EFNA5: variants seen among roughly 807,000 people sequenced by gnomAD.
EFNA5 encodes ephrin-A5.
EFNA5 carries 5 observed loss-of-function variants against 22.9 expected under a neutral mutation model. The ratio of observed to expected loss-of-function variants is 0.22; its 90% confidence interval spans 0.11 to 0.46. The LOEUF (loss-of-function observed/expected upper bound fraction) is 0.46, where lower values mean the gene tolerates loss of function less well. Ranked by LOEUF, EFNA5 falls within the 20% of genes least tolerant of loss-of-function variation. The probability of loss-of-function intolerance (pLI) is 0.99; values close to 1 mark genes in which losing one functional copy is unlikely to be tolerated. For missense variants in EFNA5, 237 were observed against 293.3 expected (o/e 0.81, Z 1.40); for synonymous variants, 113 against 112.2 (o/e 1.01, Z -0.04).
At chr5:107,553,771 C>T (rs1055087996) in intron 1 of EFNA5, among the ~76,000 whole-genome samples, 3 of 152,042 alleles carry the variant, frequency 2.0e-5, no homozygotes, top group African/African-American at 4.8e-5. Flanking sequence ...TTCCTTCTAC[C>T]AAATGAAACA....
chr5:107,419,591 CAT>C (rs1180904299), intron 2 of EFNA5, among the ~76,000 whole-genome samples: 1 of 152,094 alleles, frequency 6.6e-6, no homozygotes, highest in Non-Finnish European at 1.5e-5. Context: ...ATTTTTGTGC[CAT>C]ATGTATTCTC....
intron 1 of EFNA5, among the ~76,000 whole-genome samples, chr5:107,661,061 G>C (rs1244892494): frequency 6.6e-6 from 1 of 150,804 alleles, no homozygotes; most frequent in Non-Finnish European, 1.5e-5. Flanking sequence ...AGATTGCAGA[G>C]CAGAGGCTAA....
At chr5:107,478,403 C>G (rs931388067) in intron 1 of EFNA5, among the ~76,000 whole-genome samples, 7 of 152,176 alleles carry the variant, frequency 4.6e-5, no homozygotes, top group Non-Finnish European at 1.5e-5. Context: ...GCCCCTACTC[C>G]GGTTAACCTA....
intron 1 of EFNA5, among the ~76,000 whole-genome samples, chr5:107,571,256 G>A (rs2112486491): frequency 6.6e-6 from 1 of 152,282 alleles, no homozygotes; most frequent in East Asian, 1.9e-4. Context: ...CAGCACTGGG[G>A]CAACTTGTAA....
intron 1 of EFNA5, among the ~76,000 whole-genome samples, chr5:107,616,602 A>C (rs1322755567): frequency 6.6e-6 from 1 of 152,072 alleles, no homozygotes; most frequent in South Asian, 2.1e-4. Flanking sequence ...GTGTGTGTGT[A>C]TGTGCGTGTG....
intron 1 of EFNA5, among the ~76,000 whole-genome samples, chr5:107,549,801 G>A (rs1748245393): frequency 6.6e-6 from 1 of 152,212 alleles, no homozygotes; most frequent in Non-Finnish European, 1.5e-5. Context: ...CCTGAGTTCT[G>A]GCTCTGGCCA....
At chr5:107,522,440 C>T (rs1747617784) in intron 1 of EFNA5, among the ~76,000 whole-genome samples, 1 of 152,034 alleles carries the variant, frequency 6.6e-6, no homozygotes, top group South Asian at 2.1e-4. Flanking sequence ...CTTCTGTTGC[C>T]TAGACTGGAG....
chr5:107,494,509 C>T (rs559067957), intron 1 of EFNA5, among the ~76,000 whole-genome samples: 25 of 152,324 alleles, frequency 1.6e-4, no homozygotes, highest in Non-Finnish European at 2.8e-4. Context: ...CTGCAGCCCG[C>T]CATACCTGAG....
intron 1 of EFNA5, among the ~76,000 whole-genome samples, chr5:107,623,562 G>A (rs762052082): frequency 1.4e-4 from 21 of 152,110 alleles, no homozygotes; most frequent in Non-Finnish European, 2.9e-4. Context: ...CTCATTAAGT[G>A]ACATTAAACA....
intron 1 of EFNA5, among the ~76,000 whole-genome samples, chr5:107,651,731 A>C (rs555788617): frequency 6.6e-6 from 1 of 152,134 alleles, no homozygotes; most frequent in South Asian, 2.1e-4. Context: ...AACAATTCAG[A>C]TATAATAGAG....
At chr5:107,501,044 T>C (rs1449477823) in intron 1 of EFNA5, among the ~76,000 whole-genome samples, 1 of 152,170 alleles carries the variant, frequency 6.6e-6, no homozygotes, top group Admixed American at 6.5e-5. Flanking sequence ...GGTTTTATGC[T>C]TCCTGTTTTA....
intron 1 of EFNA5, among the ~76,000 whole-genome samples, chr5:107,653,065 T>C (rs758525777): frequency 1.3e-5 from 2 of 152,002 alleles, no homozygotes; most frequent in Non-Finnish European, 2.9e-5. Flanking sequence ...GAGGGAAGGC[T>C]GACAGAGGCA....
intron 1 of EFNA5, among the ~76,000 whole-genome samples, chr5:107,601,623 G>A (rs1177215865): frequency 6.6e-6 from 1 of 152,194 alleles, no homozygotes; most frequent in Non-Finnish European, 1.5e-5. Flanking sequence ...GTTAAAATTA[G>A]AAAGAATTGC....
chr5:107,559,196 C>T (rs917447688), intron 1 of EFNA5, among the ~76,000 whole-genome samples: 1 of 152,180 alleles, frequency 6.6e-6, no homozygotes, highest in African/African-American at 2.4e-5. Context: ...TCACCACTGC[C>T]TCTCCCACCA....
chr5:107,546,231 C>A (rs781212564), intron 1 of EFNA5, among the ~76,000 whole-genome samples: 5 of 152,140 alleles, frequency 3.3e-5, no homozygotes, highest in Non-Finnish European at 7.3e-5. Context: ...TTGTAGGGGC[C>A]GCCCTCCTAG....
intron 1 of EFNA5, among the ~76,000 whole-genome samples, chr5:107,611,143 A>AGCAACACAGCTTTATCACT (rs1337681773): frequency 6.6e-6 from 1 of 152,194 alleles, no homozygotes; most frequent in East Asian, 1.9e-4. Flanking sequence ...AACTCTGCCT[A>AGCAACACAGCTTTATCACT]GCAACACAGC....
chr5:107,437,971 G>C (rs906415344), intron 1 of EFNA5, among the ~76,000 whole-genome samples: 1 of 152,146 alleles, frequency 6.6e-6, no homozygotes, highest in African/African-American at 2.4e-5. Flanking sequence ...TTTCTCTCTT[G>C]TCATTAAGTC....
chr5:107,442,763 G>A (rs1749288212), intron 1 of EFNA5, among the ~76,000 whole-genome samples: 2 of 151,856 alleles, frequency 1.3e-5, no homozygotes, highest in South Asian at 4.2e-4. Flanking sequence ...AAGAAGAAAT[G>A]CTGATACTCA....
intron 1 of EFNA5, among the ~76,000 whole-genome samples, chr5:107,511,533 T>A (rs10464038): frequency 0.057 from 8,700 of 152,208 alleles, 519 homozygotes; most frequent in East Asian, 0.17. Flanking sequence ...ATAAATGGTA[T>A]CCTAAAAAAT....
Sources: gnomAD v4.1 joint callset for allele counts (sites outside exome capture counted in the v4.1 genomes callset) on GRCh38, gnomAD v4.1.1 for gene constraint, MANE v1.5 for transcripts, NCBI Gene and HGNC (gene_info 2026-07-23, HGNC 2026-07-21) for gene names.